Variants in NELFB observed in about 807,000 individuals in gnomAD.
The protein encoded by NELFB is negative elongation factor B.
NELFB carries 34 observed loss-of-function variants against 60.2 expected under a neutral mutation model. The ratio of observed to expected loss-of-function variants is 0.56; its 90% CI spans 0.43 to 0.75. NELFB has a LOEUF of 0.75. Ranked by LOEUF, NELFB falls within the 30% of genes least tolerant of loss-of-function variation. The pLI is 0.00. For synonymous variants in NELFB, 459 were observed against 382.1 expected, an observed-to-expected ratio of 1.20 and a Z score of -2.35; for missense variants, 770 against 831.6, an observed-to-expected ratio of 0.93 and a Z score of 0.91.
chr9:137,255,809 G>A, intron 1 of NELFB, 98 bp from the exon 2 acceptor site: 1 of 1,550,162 alleles, frequency 6.5e-7, no homozygotes, highest in African/African-American at 1.4e-5. Flanking sequence ...CCGCCAGCAC[G>A]GCTGGGAACA....
rs1011948245 is a variant in NELFB, at chr9:137,264,893, G to A, written c.1040+536G>A. Among the ~76,000 whole-genome samples, 4 of 152,370 alleles carry A rather than the reference G, an allele frequency of 2.6e-5. No individual in the cohort carries two copies. The South Asian group carries it at 8.3e-4, about 32-fold the overall frequency. ...CTGCATTCTGGAGCCAGGCCCAGGG[G>A]CTGGGGTCTGGTGTCTGCAGTGGCG... On this transcript the variant is annotated intron_variant, in intron 6 of 12. Coordinates refer to ENST00000343053, the MANE Select transcript of NELFB (RefSeq NM_015456.5).
At chr9:137,262,420 G>A (rs980513265) in intron 4 of NELFB, among the ~76,000 whole-genome samples, 4 of 152,142 alleles carry the variant, frequency 2.6e-5, no homozygotes, top group African/African-American at 2.4e-5. Context: ...CAGAAGGCTC[G>A]CACTCTTGTC....
intron 4 of NELFB, among the ~76,000 whole-genome samples, chr9:137,261,486 C>G (rs187526520): frequency 9.8e-4 from 149 of 151,978 alleles, no homozygotes; most frequent in African/African-American, 3.5e-3. Flanking sequence ...GGTGAAACCC[C>G]GTCTCTACTA....
chr9:137,266,471 G>T lies in NELFB; in HGVS notation c.1239+45G>T, dbSNP rs1226902121. 3.2e-6 allele frequency: 5 copies of T among 1,561,462 alleles called. No homozygotes were observed. In the South Asian group the frequency reaches 5.6e-5, roughly 18 times the overall value. On this transcript the variant is annotated intron_variant, in intron 8 of 12. Coordinates refer to ENST00000343053, the MANE Select transcript of NELFB (RefSeq NM_015456.5). ...GGCTGCCAGTTTCCTACGAGGGGTT[G>T]TGGGCTGGAAGTGGGGTGGAGGGGG...
rs527976304 is a variant in NELFB at position 137,269,025 on chromosome 9, C to T, written c.1489+1679C>T. 3.3e-5 allele frequency among the ~76,000 whole-genome samples: 5 copies of T among 152,120 alleles called. No homozygotes were observed. Among genetic ancestry groups the T allele is most frequent in the African/African-American group, 7.2e-5 (3 of 41,502 alleles). On this transcript the variant is annotated intron_variant, in intron 10 of 12. Transcript: ENST00000343053. This position sits in a 1 kb window ranked among gnomAD's most constrained non-coding sequence, Gnocchi z 5.3. ...CGCTTTGGTGAGGACGGAGCCCTCA[C>T]GACCTCAGCAGTGTTGCGTTGGGGA...
intron 4 of NELFB, among the ~76,000 whole-genome samples, chr9:137,257,918 C>T (rs1837582514): frequency 2.0e-5 from 3 of 151,744 alleles, no homozygotes; most frequent in Non-Finnish European, 2.9e-5. Context: ...AAGTGATCTT[C>T]CTGAGTAGCT....
intron 4 of NELFB, among the ~76,000 whole-genome samples, chr9:137,257,833 G>A (rs191856841): frequency 3.4e-5 from 5 of 145,964 alleles, no homozygotes; most frequent in African/African-American, 1.0e-4. Context: ...TTAAGAGACA[G>A]GGTCTCACTC....
At chr9:137,268,968 A>G (rs1482925087) in intron 10 of NELFB, among the ~76,000 whole-genome samples, 3 of 152,228 alleles carry the variant, frequency 2.0e-5, no homozygotes, top group African/African-American at 7.2e-5. Flanking sequence ...TTACCCTTTT[A>G]TCAGGAGCCA....
At chr9:137,267,458 C>T in intron 10 of NELFB, 112 bp downstream of exon 10, 1 of 766,006 alleles carries the variant, frequency 1.3e-6, no homozygotes, top group Non-Finnish European at 2.1e-6. Flanking sequence ...GTCTCCCCAG[C>T]CCACCTCCAA....
chr9:137,262,342 G>C (rs898557221), intron 4 of NELFB, among the ~76,000 whole-genome samples: 1 of 152,124 alleles, frequency 6.6e-6, no homozygotes, highest in Admixed American at 6.5e-5. Context: ...CCTGGCAACG[G>C]GCGTCTTCCC....
intron 10 of NELFB, 144 bp downstream of exon 10, chr9:137,267,490 CTT>C (rs1174937800): frequency 0.073 from 30,714 of 423,246 alleles, 4 homozygotes; most frequent in South Asian, 0.1. Context: ...TTGTTTTCAC[CTT>C]TTTTTTTTTT....
chr9:137,267,439 A>T, intron 10 of NELFB, 93 bp downstream of exon 10: 7 of 1,069,776 alleles, frequency 6.5e-6, no homozygotes, highest in Non-Finnish European at 8.0e-6. Context: ...GGCCCCCAGG[A>T]GCTGCCTTGT....
At chr9:137,257,352 G>A (rs1409959708) in intron 4 of NELFB, among the ~76,000 whole-genome samples, 5 of 152,122 alleles carry the variant, frequency 3.3e-5, no homozygotes, top group African/African-American at 1.2e-4. Flanking sequence ...TCTTTGAGAC[G>A]GAGTCTCGCT....
chr9:137,272,461 A>G (rs1327502418), intron 11 of NELFB, 46 bp from the exon 12 acceptor site: 3 of 1,560,472 alleles, frequency 1.9e-6, no homozygotes, highest in Non-Finnish European at 2.6e-6. Flanking sequence ...GCCTGGGCAG[A>G]CAGCAGGGCC....
Position 137,272,323 on chromosome 9 carries a change from G to A in NELFB, c.1631+101G>A, listed in dbSNP as rs754466835. 1.2e-5 allele frequency: 18 copies of A among 1,548,452 alleles called. No homozygotes were observed. In the Admixed American group the frequency reaches 1.9e-4, roughly 17 times the overall value. On this transcript the variant is annotated intron_variant, in intron 11 of 12. Transcript: ENST00000343053. Reference sequence around the variant, plus strand: ...GTCCCCAGCCTGGGGCGGAGGGTCCGCAGGTGGGTCTGTTGGGCACCAGGG... The same window carrying A: ...GTCCCCAGCCTGGGGCGGAGGGTCCACAGGTGGGTCTGTTGGGCACCAGGG...
intron 11 of NELFB, 28 bp downstream of exon 11, chr9:137,272,250 G>T (rs762565077): frequency 1.8e-5 from 29 of 1,611,384 alleles, no homozygotes; most frequent in Non-Finnish European, 2.4e-5. Flanking sequence ...CATCCGGCCC[G>T]CTCTGTCCTC....
intron 9 of NELFB, 29 bp from the exon 10 acceptor site, chr9:137,267,211 A>C: frequency 6.4e-7 from 1 of 1,563,824 alleles, no homozygotes; most frequent in Non-Finnish European, 8.8e-7. Context: ...GGTGGGGCTG[A>C]GGTGGGGCTG....
In NELFB at chr9:137,255,454, C is replaced by CG; in HGVS notation, c.94dup (p.Glu32GlyfsTer9). Reference sequence around the variant, plus strand: ...GCTTCTGGGGTGTCTGCGGCGGCGCCGGGGGAACGGGCTGGGGATGGGGCG... The same window carrying CG: ...GCTTCTGGGGTGTCTGCGGCGGCGCCGGGGGGAACGGGCTGGGGATGGGGCG... On this transcript the variant is annotated frameshift_variant, in exon 1 of 13. Transcript: ENST00000343053. LOFTEE classifies it high-confidence loss of function. The CG allele has an allele frequency of 6.9e-7, 1 of 1,446,598 alleles. No individual in the cohort carries two copies. Among genetic ancestry groups the CG allele is most frequent in the Non-Finnish European group, 9.2e-7 (1 of 1,092,428 alleles). The allele number at this position is 1,446,598 out of a possible 1,614,324, so 89.6% of individuals were successfully genotyped here.
At chr9:137,263,593 C>T (rs1171716764) in intron 5 of NELFB, among the ~76,000 whole-genome samples, 2 of 151,422 alleles carry the variant, frequency 1.3e-5, no homozygotes, top group Non-Finnish European at 2.9e-5. Context: ...CTCTCCCATG[C>T]CTGTTTCCTG....
Sources: allele counts gnomAD v4.1 joint callset (sites outside exome capture counted in the v4.1 genomes callset), GRCh38; gene constraint gnomAD v4.1.1; non-coding constraint Gnocchi (gnomAD v3.1); transcripts MANE v1.5; gene names NCBI Gene and HGNC (gene_info 2026-07-23, HGNC 2026-07-21).